The following TUT4 variants were observed in gnomAD, a reference collection of about 807,000 sequenced individuals.
TUT4 encodes terminal uridylyltransferase 4.
In TUT4, 36 loss-of-function variants were observed where a neutral mutation model predicts 192.2. The observed-to-expected ratio is 0.19, with a 90% confidence interval of 0.14 to 0.25. The LOEUF (loss-of-function observed/expected upper bound fraction) is 0.25. Ranked by LOEUF, TUT4 falls within the 10% of genes least tolerant of loss-of-function variation. The pLI is 1.00. For synonymous variants in TUT4, 618 were observed against 666.0 expected (o/e 0.93, Z 1.11); for missense variants, 1,493 against 1,957.2 (o/e 0.76, Z 4.47).
At chr1:52,542,731 T>A (rs1220907309) in intron 1 of TUT4, among the ~76,000 whole-genome samples, 1 of 151,850 alleles carries the variant, frequency 6.6e-6, no homozygotes, top group Non-Finnish European at 1.5e-5. Context: ...GGGAAAGATG[T>A]CTGTTTTCAC....
At chr1:52,440,438 T>G (rs1176647763) in intron 24 of TUT4, among the ~76,000 whole-genome samples, 2 of 150,866 alleles carry the variant, frequency 1.3e-5, no homozygotes, top group Non-Finnish European at 1.5e-5. Context: ...CCTGTGTTTT[T>G]TTTTTTTTTT....
At chr1:52,435,288 G>A (rs1031174981) in intron 27 of TUT4, 77 bp downstream of exon 27, 13 of 1,199,144 alleles carry the variant, frequency 1.1e-5, no homozygotes, top group Non-Finnish European at 1.6e-5. Context: ...TAGCCAGTCT[G>A]AGAGAAAACA....
In TUT4 at chr1:52,509,616, G is replaced by A; in HGVS notation, c.979C>T (p.Arg327Ter). The change falls in exon 4 of 30, where the codon CGA (arginine) becomes TGA (stop). Residue 327 changes from arginine to a stop codon, truncating the protein, a stop_gained. Transcript: ENST00000257177. LOFTEE classifies it high-confidence loss of function. Reference sequence around the variant, plus strand: ...CTTACCAAAATATTTTTCTTATGTCGTTTCTCCTTTATATGTTTATGAGCC... The same window carrying A: ...CTTACCAAAATATTTTTCTTATGTCATTTCTCCTTTATATGTTTATGAGCC... ...QGAHKHIKEK[R>*]HKKNILEKQE... 1 of 1,579,486 alleles carries A rather than the reference G, an allele frequency of 6.3e-7. No homozygotes were observed. The highest frequency in any genetic ancestry group is 8.7e-7 in the Non-Finnish European group (1 of 1,155,662).
At chr1:52,454,760 C>T (rs985735424) in intron 20 of TUT4, among the ~76,000 whole-genome samples, 9 of 152,016 alleles carry the variant, frequency 5.9e-5, no homozygotes, top group Non-Finnish European at 1.3e-4. Context: ...CAAAAGACAA[C>T]GTCAAGGGAA....
At chr1:52,505,985 A>C (rs920252006) in intron 4 of TUT4, among the ~76,000 whole-genome samples, 1 of 150,962 alleles carries the variant, frequency 6.6e-6, no homozygotes, top group African/African-American at 2.4e-5. Context: ...TGCCCAGCTA[A>C]TTTTTGTATT....
intron 4 of TUT4, among the ~76,000 whole-genome samples, chr1:52,507,523 T>C (rs377443830): frequency 6.6e-6 from 1 of 152,192 alleles, no homozygotes; most frequent in African/African-American, 2.4e-5. Context: ...TTACTCTAAC[T>C]TCACCAAAAG....
chr1:52,540,993 G>T (rs1339630616), intron 1 of TUT4, among the ~76,000 whole-genome samples: 1 of 151,392 alleles, frequency 6.6e-6, no homozygotes, highest in African/African-American at 2.4e-5. Context: ...ATCACCCAAG[G>T]CCAGGAGTTA....
chr1:52,466,742 C>G (rs890754561), intron 15 of TUT4, among the ~76,000 whole-genome samples: 7 of 150,036 alleles, frequency 4.7e-5, no homozygotes, highest in Non-Finnish European at 4.4e-5. Flanking sequence ...ATGACCTTGG[C>G]TCACTGCAAC....
chr1:52,447,853 G>C (rs1305870167), intron 20 of TUT4, among the ~76,000 whole-genome samples: 2 of 152,220 alleles, frequency 1.3e-5, no homozygotes, highest in Non-Finnish European at 2.9e-5. Flanking sequence ...TATAAATGGA[G>C]AAAACATACC....
At position 52,458,251 on chromosome 1, in the gene TUT4, T is replaced by C. The variant is rs1471742534; in HGVS notation, c.3435+85A>G. 4.7e-6 allele frequency: 4 copies of C among 857,718 alleles called. No individual in the cohort carries two copies. The African/African-American group carries it at 5.1e-5, about 11-fold the overall frequency. The allele number at this position is 857,718 out of a possible 1,614,324, so 53.1% of individuals were successfully genotyped here. On this transcript the variant is annotated intron_variant, in intron 20 of 29. Transcript: ENST00000257177. ...ACAACCATGATGGAAAAATCCTTCA[T>C]GATGACATGAACCAAGCAAAATCTC...
intron 20 of TUT4, among the ~76,000 whole-genome samples, chr1:52,447,019 T>C (rs182481837): frequency 2.6e-5 from 4 of 152,182 alleles, no homozygotes; most frequent in East Asian, 1.9e-4. Flanking sequence ...ATCACAGATA[T>C]AAAAATACAA....
At chr1:52,482,148 AG>A (rs141768638) in intron 9 of TUT4, among the ~76,000 whole-genome samples, 1,874 of 152,276 alleles carry the variant, frequency 0.012, 34 homozygotes, top group African/African-American at 0.043. Flanking sequence ...TTTTGTTAAA[AG>A]GAATAATATT....
At chr1:52,435,871 C>T (rs931809001) in intron 26 of TUT4, among the ~76,000 whole-genome samples, 3 of 152,060 alleles carry the variant, frequency 2.0e-5, no homozygotes, top group African/African-American at 4.8e-5. Context: ...GATCATACCA[C>T]GCACTGCAGC....
At chr1:52,518,420 T>G (rs1679279634) in intron 2 of TUT4, among the ~76,000 whole-genome samples, 1 of 152,228 alleles carries the variant, frequency 6.6e-6, no homozygotes, top group Non-Finnish European at 1.5e-5. Context: ...AACAGCCACC[T>G]TCTTGCTGTG....
Position 52,431,468 on chromosome 1 carries a change from CAAAA to C in TUT4, c.4264-12_4264-9del. On this transcript the variant is annotated splice_polypyrimidine_tract_variant and intron_variant, in intron 27 of 29. Transcript: ENST00000257177. Reference sequence around the variant, plus strand: ...ATAAGATGGTGATTCAGACTGCAGACAAAAAAAAAATTTTTTTTAATTAATTTAT... The same window carrying C: ...ATAAGATGGTGATTCAGACTGCAGACAAAAAATTTTTTTTAATTAATTTAT... 2.8e-6 allele frequency: 4 copies of C among 1,414,178 alleles called. No homozygotes were observed. The highest frequency in any genetic ancestry group is 1.6e-5 in the South Asian group (1 of 62,416). 87.6% of individuals were successfully genotyped at this position (1,414,178 alleles called of 1,614,324 possible).
rs749290819 is a variant in TUT4 at position 52,446,602 on chromosome 1, T to G, written c.3501A>C (p.Lys1167Asn). ...VDGWNAFFFD[K>N]TEELKKRLPS... The stretch of plus-strand genomic sequence containing the variant: ...ATTTTAAAATTACCAGTTCTTCTGT[T>G]TTATCAAAGAAGAAAGCATTCCATC... Residue 1167 changes from lysine (K) to asparagine (N), a missense_variant, in exon 21 of 30, where the codon AAA becomes AAC. Transcript: ENST00000257177. 8 of 1,606,954 alleles carry G rather than the reference T, an allele frequency of 5.0e-6. No homozygotes were observed. The South Asian group carries it at 9.0e-5, about 18-fold the overall frequency.
intron 15 of TUT4, among the ~76,000 whole-genome samples, chr1:52,467,069 C>T (rs571042903): frequency 2.6e-5 from 4 of 152,160 alleles, no homozygotes; most frequent in Admixed American, 6.5e-5. Flanking sequence ...TGCTTGAGCC[C>T]GGAAGTTTGA....
rs141484128 is a variant in TUT4 at position 52,436,808 on chromosome 1, C to T, written c.4109G>A (p.Arg1370Gln). ...CFICGDAGHV[R>Q]RECPEVKLAR... ...CAGCTTGACCTCTGGGCACTCCCTTCGTACATGTCCAGCATCTCCACATAT... is the reference window on the plus strand; with the variant it reads ...CAGCTTGACCTCTGGGCACTCCCTTTGTACATGTCCAGCATCTCCACATAT... The change falls in exon 26 of 30, where the codon CGA becomes CAA. Residue 1370 changes from arginine (R) to glutamine (Q), a missense_variant. Arg to Gln is a conservative substitution (Grantham distance 43). Transcript: ENST00000257177. 2.8e-5 allele frequency: 45 copies of T among 1,613,752 alleles called. No homozygotes were observed. Among genetic ancestry groups the T allele is most frequent in the African/African-American group, 6.7e-5 (5 of 74,850 alleles).
intron 2 of TUT4, among the ~76,000 whole-genome samples, chr1:52,517,227 C>A (rs573492131): frequency 6.6e-6 from 1 of 152,090 alleles, no homozygotes; most frequent in Non-Finnish European, 1.5e-5. Context: ...TGTATCTGTC[C>A]CCTACATTAG....
Sources: allele counts gnomAD v4.1 joint callset (sites outside exome capture counted in the v4.1 genomes callset), GRCh38; gene constraint gnomAD v4.1.1; transcripts MANE v1.5; gene names NCBI Gene and HGNC (gene_info 2026-07-23, HGNC 2026-07-21).